TFPI: variants seen among roughly 807,000 people sequenced by gnomAD.
The protein encoded by TFPI is anti-convertin.
TFPI carries 15 observed loss-of-function variants against 34.6 expected under a neutral mutation model. That is an observed-to-expected ratio of 0.43 (90% CI 0.29 to 0.67). The LOEUF (loss-of-function observed/expected upper bound fraction) is 0.67, where lower values mean the gene tolerates loss of function less well. TFPI is among the 30% of genes least tolerant of loss of function. The pLI is 0.15. For synonymous variants in TFPI, 105 were observed against 120.1 expected (o/e 0.87, Z 0.82); for missense variants, 301 against 364.0 (o/e 0.83, Z 1.41).
At chr2:187,491,947 G>A (rs1036214621) in intron 3 of TFPI, among the ~76,000 whole-genome samples, 1 of 152,086 alleles carries the variant, frequency 6.6e-6, no homozygotes, top group Admixed American at 6.6e-5. Flanking sequence ...TTTGTCTGAT[G>A]ATTAGTGATT....
chr2:187,494,460 G>T (rs1685334483), intron 3 of TFPI, among the ~76,000 whole-genome samples: 1 of 152,118 alleles, frequency 6.6e-6, no homozygotes, highest in Non-Finnish European at 1.5e-5. Context: ...CTCATCTTAT[G>T]TATTTACCTT....
At chr2:187,541,699 A>G (rs1247588326) in intron 1 of TFPI, among the ~76,000 whole-genome samples, 1 of 152,204 alleles carries the variant, frequency 6.6e-6, no homozygotes, top group East Asian at 1.9e-4. Flanking sequence ...TTTTACAAAT[A>G]TTAACTCATG....
chr2:187,485,278 A>G (rs1294101342), intron 4 of TFPI, among the ~76,000 whole-genome samples: 2 of 151,734 alleles, frequency 1.3e-5, no homozygotes, highest in Non-Finnish European at 3.0e-5. Flanking sequence ...TCTTGCTTTG[A>G]AATTACAAAA....
At chr2:187,504,763 C>A (rs1034516733) in intron 1 of TFPI, among the ~76,000 whole-genome samples, 4 of 152,072 alleles carry the variant, frequency 2.6e-5, no homozygotes, top group Non-Finnish European at 4.4e-5. Context: ...ATCTTATCAG[C>A]AAACATTCAC....
chr2:187,512,925 GA>G (rs1392317210), intron 1 of TFPI, among the ~76,000 whole-genome samples: 4 of 151,524 alleles, frequency 2.6e-5, no homozygotes, highest in Admixed American at 1.3e-4. Flanking sequence ...TCATGAAAGA[GA>G]AAAAAAAGTT....
intron 4 of TFPI, among the ~76,000 whole-genome samples, chr2:187,485,408 C>T (rs8176512): frequency 0.015 from 2,267 of 151,744 alleles, 24 homozygotes; most frequent in Non-Finnish European, 0.018. Flanking sequence ...CATTGTAGTG[C>T]GTTGCTCCAT....
intron 1 of TFPI, among the ~76,000 whole-genome samples, chr2:187,534,051 A>G (rs777974904): frequency 3.9e-5 from 6 of 152,222 alleles, no homozygotes; most frequent in Non-Finnish European, 7.3e-5. Context: ...GAAAGCCTCC[A>G]AGAAATATGA....
intron 1 of TFPI, among the ~76,000 whole-genome samples, chr2:187,533,393 C>T (rs1278381648): frequency 6.6e-6 from 1 of 152,196 alleles, no homozygotes; most frequent in African/African-American, 2.4e-5. Flanking sequence ...AGCTGTTCTA[C>T]AGCCTCCACT....
chr2:187,482,939 A>T (rs555441233), intron 6 of TFPI, among the ~76,000 whole-genome samples: 45 of 152,020 alleles, frequency 3.0e-4, no homozygotes, highest in African/African-American at 1.0e-3. Context: ...GTCTCTTTAC[A>T]CTTTTCATTT....
chr2:187,496,735 C>T lies in TFPI; in HGVS notation c.319+146G>A, dbSNP rs1336894126. ...TTTTCCTTAAATGTTTTTAGGATTC[C>T]CTGAAAGTCTAAAAATGTGGAAATA... On this transcript the variant is annotated intron_variant, in intron 3 of 7. Coordinates refer to ENST00000233156, the MANE Select transcript of TFPI (RefSeq NM_006287.6). 1.1e-5 allele frequency: 8 copies of T among 733,610 alleles called. No homozygotes were observed. In the African/African-American group the frequency reaches 1.3e-4, roughly 12 times the overall value. 45.4% of individuals were successfully genotyped at this position (733,610 alleles called of 1,614,324 possible). A position where few individuals can be genotyped will look rare whatever the true frequency, so the allele number is the denominator to read the frequency against.
intron 1 of TFPI, chr2:187,519,714 G>C (rs1239842320): frequency 6.6e-6 from 1 of 152,314 alleles, no homozygotes; most frequent in African/African-American, 2.4e-5. Flanking sequence ...CTGGCAGGCA[G>C]GTACATTTAA....
At chr2:187,499,838 C>G (rs1235946385) in intron 2 of TFPI, among the ~76,000 whole-genome samples, 1 of 152,032 alleles carries the variant, frequency 6.6e-6, no homozygotes, top group African/African-American at 2.4e-5. Context: ...GTTAACATGA[C>G]TTTAGAACTT....
At chr2:187,518,974 C>T (rs1559139713) in intron 1 of TFPI, 1 of 152,152 alleles carries the variant, frequency 6.6e-6, no homozygotes, top group Non-Finnish European at 1.5e-5. Flanking sequence ...AGTTCTCATG[C>T]TGTGTTTTTT....
At position 187,482,402 on chromosome 2, in the gene TFPI, AAATAATGC is replaced by A. The variant is rs8176520; in HGVS notation, c.628+1714_628+1721del. 4.9e-3 allele frequency among the ~76,000 whole-genome samples: 741 copies of A among 152,218 alleles called. 4 individuals carry two copies. Among genetic ancestry groups the A allele is most frequent in the African/African-American group, 0.017 (695 of 41,568 alleles). ...AATACAAAGCTGGAAAGACATAAAG[AAATAATGC>A]AACGATAGTACTTAATTTTTCAGAT... On this transcript the variant is annotated intron_variant, in intron 6 of 7. Coordinates refer to ENST00000233156, the MANE Select transcript of TFPI (RefSeq NM_006287.6).
At chr2:187,474,603 T>C (rs546250402) in intron 6 of TFPI, among the ~76,000 whole-genome samples, 1 of 152,224 alleles carries the variant, frequency 6.6e-6, no homozygotes, top group East Asian at 1.9e-4. Flanking sequence ...TAACTTCTAA[T>C]AGAGAAGAAT....
intron 2 of TFPI, among the ~76,000 whole-genome samples, chr2:187,497,970 G>A (rs1242188956): frequency 2.0e-5 from 3 of 151,698 alleles, no homozygotes; most frequent in African/African-American, 7.3e-5. Flanking sequence ...TGCATATTGA[G>A]TCTATGTATT....
chr2:187,533,779 A>T (rs981568663), intron 1 of TFPI, among the ~76,000 whole-genome samples: 1 of 152,250 alleles, frequency 6.6e-6, no homozygotes, highest in South Asian at 2.1e-4. Flanking sequence ...AAGCTAAGGG[A>T]GCATGTTCTA....
intron 1 of TFPI, among the ~76,000 whole-genome samples, chr2:187,504,725 T>G (rs8176412): frequency 0.013 from 2,022 of 152,210 alleles, 41 homozygotes; most frequent in Middle Eastern, 0.037. Context: ...CAGCCACCAG[T>G]GCCCTTCCAG....
intron 1 of TFPI, among the ~76,000 whole-genome samples, chr2:187,542,335 T>TTGTG (rs138712657): frequency 2.9e-4 from 43 of 148,988 alleles, no homozygotes; most frequent in African/African-American, 7.8e-4. Flanking sequence ...GAATGTGTGT[T>TTGTG]TGTGTGTGTG....
Sources: gnomAD v4.1 joint callset for allele counts (sites outside exome capture counted in the v4.1 genomes callset) on GRCh38, gnomAD v4.1.1 for gene constraint, MANE v1.5 for transcripts, NCBI Gene and HGNC (gene_info 2026-07-23, HGNC 2026-07-21) for gene names.